Variants in MAP3K12 observed in about 807,000 individuals in gnomAD.
MAP3K12 encodes the protein mitogen-activated protein kinase kinase kinase 12, also known as MAPK-upstream kinase.
Under a neutral mutation model 87.5 loss-of-function variants are expected in MAP3K12, and 14 were observed. The ratio of observed to expected loss-of-function variants is 0.16; its 90% CI spans 0.11 to 0.25. The LOEUF is 0.25. MAP3K12 is among the 10% of genes least tolerant of loss of function. The pLI is 1.00. For missense variants in MAP3K12, 802 were observed against 1,140.4 expected, an observed-to-expected ratio of 0.70 and a Z score of 4.27; for synonymous variants, 469 against 452.5, an observed-to-expected ratio of 1.04 and a Z score of -0.46.
Position 53,481,295 on chromosome 12 carries a change from A to G in MAP3K12, c.2581-15T>C. ...TTGGGAGGGCCCTGTGAGAAAGAGTAGAAATGGAGTGAGATTCCTTGGGGT... is the reference window on the plus strand; with the variant it reads ...TTGGGAGGGCCCTGTGAGAAAGAGTGGAAATGGAGTGAGATTCCTTGGGGT... On this transcript the variant is annotated splice_polypyrimidine_tract_variant and intron_variant, in intron 13 of 13. Transcript: ENST00000547488. The G allele has an allele frequency of 6.8e-7, 1 of 1,476,218 alleles. No homozygotes were observed. Among genetic ancestry groups the G allele is most frequent in the Non-Finnish European group, 9.1e-7 (1 of 1,097,312 alleles). 91.4% of individuals were successfully genotyped at this position (1,476,218 alleles called of 1,614,324 possible).
Position 53,483,407 on chromosome 12 carries a change from T to C in MAP3K12, c.1555A>G (p.Met519Val), listed in dbSNP as rs762922472. 4.3e-6 allele frequency: 7 copies of C among 1,613,924 alleles called. No homozygotes were observed. In the South Asian group the frequency reaches 4.4e-5, roughly 10 times the overall value. ...TTCCTCTTCTTGATAAGCTTCTCCA[T>C]TGTGTTTCCATGCAGGAGGCCCCGG... The part of the protein sequence containing the change: ...PSRGLLHGNT[M>V]EKLIKKRNVP... The change falls in exon 10 of 14, where the codon ATG becomes GTG. Residue 519 changes from methionine to valine, a missense_variant. Met to Val is a conservative substitution (Grantham distance 21, BLOSUM62 1). Transcript: ENST00000547488.
At position 53,483,716 on chromosome 12, in the gene MAP3K12, G is replaced by A. The variant is rs760060273; in HGVS notation, c.1366C>T (p.Leu456=). The change falls in exon 9 of 14, where the codon CTG becomes TTG. Residue 456 remains leucine (L), a synonymous_variant. Transcript: ENST00000547488. ...CTTTCATAGTGCTCCCTGATGTCCAGGGCGTGTCTGCAACGGGCAGAAAGG... is the reference window on the plus strand; with the variant it reads ...CTTTCATAGTGCTCCCTGATGTCCAAGGCGTGTCTGCAACGGGCAGAAAGG... The part of the protein sequence containing the change: ...MRRREELRHA[L]DIREHYERKL... 1.9e-6 allele frequency: 3 copies of A among 1,613,902 alleles called. No homozygotes were observed. The highest frequency in any genetic ancestry group is 2.5e-6 in the Non-Finnish European group (3 of 1,180,014).
chr12:53,493,747 T>TA (rs1434053020), intron 1 of MAP3K12: 1 of 152,144 alleles, frequency 6.6e-6, no homozygotes, highest in Non-Finnish European at 1.5e-5. Context: ...GTTTGACGAC[T>TA]AGGTGGTTTA....
intron 1 of MAP3K12, among the ~76,000 whole-genome samples, chr12:53,498,956 GT>G (rs1943607419): frequency 3.4e-5 from 1 of 29,556 alleles, no homozygotes; most frequent in African/African-American, 1.2e-4. Context: ...GTGTGTGTGT[GT>G]GTGTGTGTGT....
chr12:53,498,626 G>C (rs989995673), intron 1 of MAP3K12, among the ~76,000 whole-genome samples: 5 of 152,108 alleles, frequency 3.3e-5, no homozygotes, highest in South Asian at 2.1e-4. Context: ...TTAAGCCAAT[G>C]AGTTTGAGGA....
chr12:53,482,400 AT>A (rs1395217060), intron 11 of MAP3K12, 31 bp from the exon 12 acceptor site: 1 of 1,612,266 alleles, frequency 6.2e-7, no homozygotes, highest in Non-Finnish European at 8.5e-7. Flanking sequence ...GGGGGGTCTG[AT>A]TAGAAGTGGA....
At chr12:53,491,891 T>C (rs1943418927) in intron 1 of MAP3K12, among the ~76,000 whole-genome samples, 2 of 150,578 alleles carry the variant, frequency 1.3e-5, no homozygotes, top group Admixed American at 1.3e-4. Context: ...CTGGGGAACA[T>C]GGGGAGAGCC....
chr12:53,501,508 G>C (rs1337503945), upstream of MAP3K12: 1 of 1,551,720 alleles, frequency 6.4e-7, no homozygotes, highest in Non-Finnish European at 8.7e-7. Context: ...GCGTGGGGCC[G>C]TGCGGAGGGA....
intron 4 of MAP3K12, 75 bp from the exon 5 acceptor site, chr12:53,485,550 TCA>T: frequency 5.9e-6 from 9 of 1,515,978 alleles, no homozygotes; most frequent in Non-Finnish European, 8.0e-6. Flanking sequence ...ACTCTGCCTT[TCA>T]GGTTTTTTTG....
chr12:53,485,349 G>T lies in MAP3K12; in HGVS notation c.948C>A (p.Arg316=). 1 of 1,614,096 alleles carries T rather than the reference G, an allele frequency of 6.2e-7. No individual in the cohort carries two copies. Among genetic ancestry groups the T allele is most frequent in the Non-Finnish European group, 8.5e-7 (1 of 1,180,004 alleles). ...TVAWMAPEVI[R]NEPVSEKVDI... is the part of the protein sequence containing the mutation. ...CGACCTTCTCAGACACAGGTTCATT[G>T]CGGATCACCTCAGGGGCCATCCAGG... The change falls in exon 5 of 14, where the codon CGC becomes CGA. Residue 316 remains arginine (R), a synonymous_variant. Transcript: ENST00000547488.
At chr12:53,484,688 G>C in intron 6 of MAP3K12, 1 of 443,070 alleles carries the variant, frequency 2.3e-6, no homozygotes. Context: ...ACTTCCCTGG[G>C]TCTAGGTTCC....
chr12:53,486,000 C>CT, intron 4 of MAP3K12, 56 bp downstream of exon 4: 1 of 1,524,232 alleles, frequency 6.6e-7, no homozygotes, highest in Middle Eastern at 1.8e-4. Context: ...GAAGGCCACA[C>CT]TGACTTGAGT....
intron 6 of MAP3K12, 49 bp from the exon 7 acceptor site, chr12:53,484,414 C>G: frequency 7.3e-7 from 1 of 1,365,672 alleles, no homozygotes; most frequent in Non-Finnish European, 1.0e-6. Context: ...GAGGGAGGAT[C>G]AGATAGGAAC....
In MAP3K12 at chr12:53,484,108, G is replaced by T. The variant is rs536258020; in HGVS notation, c.1249-88C>A. 5 of 1,432,330 alleles carry T rather than the reference G, an allele frequency of 3.5e-6. No individual in the cohort carries two copies. In the African/African-American group the frequency reaches 7.0e-5, roughly 20 times the overall value. 88.7% of individuals were successfully genotyped at this position (1,432,330 alleles called of 1,614,324 possible). A position where few individuals can be genotyped will look rare whatever the true frequency, so the allele number is the denominator to read the frequency against. ...GTTGCCCACACCACTGCCAATGTGT[G>T]TGCTGGAGCAAAAAGGAGTGGATTG... On this transcript the variant is annotated intron_variant, in intron 7 of 13. Transcript: ENST00000547488.
chr12:53,490,512 G>A (rs549705258), intron 1 of MAP3K12, among the ~76,000 whole-genome samples: 3 of 152,236 alleles, frequency 2.0e-5, no homozygotes, highest in East Asian at 3.9e-4. Context: ...CTGGGAGGCC[G>A]AGGCGGGCGG....
chr12:53,485,946 C>CT, intron 4 of MAP3K12, 110 bp downstream of exon 4: 2 of 1,015,816 alleles, frequency 2.0e-6, no homozygotes, highest in Non-Finnish European at 2.9e-6. Context: ...GAAGAGGTTT[C>CT]TGAGATGGCC....
chr12:53,501,377 T>G (rs1285147193), upstream of MAP3K12: 5 of 1,554,538 alleles, frequency 3.2e-6, 1 homozygote, highest in East Asian at 2.4e-5. Flanking sequence ...GAGGCTGCAG[T>G]CACGGTGGCG....
rs377738660 is a variant in MAP3K12, at chr12:53,481,189, G to T, written c.2672C>A (p.Pro891His). Reference sequence around the variant, plus strand: ...AAGGAATACGAGTGGCTTTCATGGAGGGAGGGAAGCTGGGGGCCGCAAGGC... The same window carrying T: ...AAGGAATACGAGTGGCTTTCATGGATGGAGGGAAGCTGGGGGCCGCAAGGC... ...VDALRPPASL[P>H]P The change falls in exon 14 of 14, where the codon CCT (proline) becomes CAT (histidine). Residue 891 changes from proline to histidine, a missense_variant. Physicochemically the swap from Pro to His is moderately conservative, Grantham distance 77. Transcript: ENST00000547488. 430 of 1,511,884 alleles carry T rather than the reference G, an allele frequency of 2.8e-4. 2 individuals carry two copies. Among genetic ancestry groups the T allele is most frequent in the South Asian group, 1.1e-3 (86 of 76,284 alleles). The allele number at this position is 1,511,884 out of a possible 1,614,324, so 93.7% of individuals were successfully genotyped here.
In MAP3K12 at chr12:53,486,933, A is replaced by G; in HGVS notation, c.445+14T>C. 1.2e-6 allele frequency: 2 copies of G among 1,609,824 alleles called. No homozygotes were observed. The highest frequency in any genetic ancestry group is 1.3e-5 in the African/African-American group (1 of 74,928). Reference sequence around the variant, plus strand: ...GGGAAACAGAGAGGAGGCTCCCACAAGGACGTGGCCTACCTTCCTGCTGCT... The same window carrying G: ...GGGAAACAGAGAGGAGGCTCCCACAGGGACGTGGCCTACCTTCCTGCTGCT... On this transcript the variant is annotated intron_variant, in intron 2 of 13. Coordinates refer to ENST00000547488, the MANE Select transcript of MAP3K12 (RefSeq NM_001193511.2). The surrounding 1 kb of genome is among the most constrained non-coding windows in gnomAD (Gnocchi z 4.9).
Sources: allele counts gnomAD v4.1 joint callset (sites outside exome capture counted in the v4.1 genomes callset), GRCh38; gene constraint gnomAD v4.1.1; non-coding constraint Gnocchi (gnomAD v3.1); transcripts MANE v1.5; gene names NCBI Gene and HGNC (gene_info 2026-07-23, HGNC 2026-07-21).